The following ABI1 variants were observed in gnomAD, a reference collection of about 807,000 sequenced individuals.
ABI1 encodes abl interactor 1.
Under a neutral mutation model 54.6 loss-of-function variants are expected in ABI1, and 14 were observed. The ratio of observed to expected loss-of-function variants is 0.26; its 90% CI spans 0.17 to 0.40. The LOEUF is 0.40. Among genes scored for constraint, ABI1 ranks in the 10% least tolerant of loss-of-function variants. ABI1 has a pLI of 1.00. For missense variants in ABI1, 443 were observed against 598.3 expected (o/e 0.74, Z 2.71); for synonymous variants, 194 against 209.3 (o/e 0.93, Z 0.63).
At chr10:26,761,639 TATATATATATATATATATATATAC>T (rs1314349414) in intron 7 of ABI1, among the ~76,000 whole-genome samples, 1 of 114,950 alleles carries the variant, frequency 8.7e-6, no homozygotes, top group South Asian at 2.9e-4. Flanking sequence ...TATATATATA[TATATATATATATATATATATATAC>T]ACACACACAT....
chr10:26,782,166 G>A (rs756112650), intron 2 of ABI1, among the ~76,000 whole-genome samples: 5 of 152,092 alleles, frequency 3.3e-5, no homozygotes, highest in African/African-American at 9.7e-5. Context: ...CCACAGTACC[G>A]TGGTCCTTGA....
intron 2 of ABI1, among the ~76,000 whole-genome samples, chr10:26,822,623 T>C (rs774202558): frequency 3.3e-5 from 5 of 152,008 alleles, no homozygotes; most frequent in Non-Finnish European, 7.4e-5. Flanking sequence ...GTAAATACTA[T>C]ATGATTCCAT....
At chr10:26,792,440 G>C (rs1429866500) in intron 2 of ABI1, among the ~76,000 whole-genome samples, 2 of 152,112 alleles carry the variant, frequency 1.3e-5, no homozygotes, top group African/African-American at 4.8e-5. Context: ...TCCAAGCACA[G>C]GGGACAGCAT....
In ABI1 at chr10:26,747,093, T is replaced by C. The variant is rs1217916365; in HGVS notation, c.*1477A>G. The C allele has an allele frequency of 8.8e-6, 2 of 227,786 alleles. No homozygotes were observed. The highest frequency in any genetic ancestry group is 2.2e-5 in the African/African-American group (1 of 44,646). The allele number at this position is 227,786 out of a possible 1,614,324, so 14.1% of individuals were successfully genotyped here. On this transcript the variant is annotated 3_prime_UTR_variant, in exon 11 of 11. Coordinates refer to ENST00000376140, the MANE Select transcript of ABI1 (RefSeq NM_001012750.3). Reference sequence around the variant, plus strand: ...CACATTGATTTGGTAGCAATAATGGTCTTTAATTTTCAGAAATAACTGTTT... The same window carrying C: ...CACATTGATTTGGTAGCAATAATGGCCTTTAATTTTCAGAAATAACTGTTT...
At chr10:26,782,815 A>C (rs945552353) in intron 2 of ABI1, among the ~76,000 whole-genome samples, 1 of 152,144 alleles carries the variant, frequency 6.6e-6, no homozygotes, top group Non-Finnish European at 1.5e-5. Flanking sequence ...TCAAAACCAC[A>C]ATGTGACACA....
intron 2 of ABI1, among the ~76,000 whole-genome samples, chr10:26,816,394 G>C (rs2047566905): frequency 6.6e-6 from 1 of 151,528 alleles, no homozygotes. Context: ...TGAACAAAGT[G>C]GCTGAGAAGA....
At chr10:26,830,358 A>G (rs2048583724) in intron 1 of ABI1, among the ~76,000 whole-genome samples, 1 of 152,206 alleles carries the variant, frequency 6.6e-6, no homozygotes, top group South Asian at 2.1e-4. Context: ...ATGGGGGCTC[A>G]TGACTGTAAT....
intron 1 of ABI1, among the ~76,000 whole-genome samples, chr10:26,834,548 A>AACACACAC (rs571268846): frequency 0.013 from 1,869 of 138,568 alleles, 16 homozygotes; most frequent in Middle Eastern, 0.032. Context: ...AGACATACAA[A>AACACACAC]ACACACACAC....
At chr10:26,793,447 G>A (rs1362291068) in intron 2 of ABI1, among the ~76,000 whole-genome samples, 1 of 152,062 alleles carries the variant, frequency 6.6e-6, no homozygotes, top group Non-Finnish European at 1.5e-5. Flanking sequence ...AAGATGAGCT[G>A]CAAAATCAGA....
At chr10:26,828,717 G>C (rs568565813) in intron 1 of ABI1, among the ~76,000 whole-genome samples, 6 of 152,288 alleles carry the variant, frequency 3.9e-5, no homozygotes, top group East Asian at 3.9e-4. Flanking sequence ...AAAAGTAATT[G>C]AAAGAGGGGA....
intron 7 of ABI1, among the ~76,000 whole-genome samples, chr10:26,760,887 T>C (rs2132555452): frequency 4.0e-5 from 1 of 25,190 alleles, no homozygotes; most frequent in Non-Finnish European, 6.3e-5. Context: ...AGACTCCATC[T>C]CAAAAAAAAA....
At position 26,823,212 on chromosome 10, in the gene ABI1, T is replaced by C. The variant is rs2048098610; in HGVS notation, c.211A>G (p.Asn71Asp). The change falls in exon 2 of 11, where the codon AAT becomes GAT. Residue 71 changes from asparagine (N) to aspartate (D), a missense_variant. Physicochemically the swap from Asn to Asp is conservative, Grantham distance 23 (BLOSUM62 1). Transcript: ENST00000376140. ...TGGATATCCAGCAACTGGAGTACAT[T>C]GTTGGCCAATGCATTTATTTGATAA... is the stretch of plus-strand genomic sequence containing the variant. ...VAYQINALANNVLQLLDIQAS... is the reference protein window; with the variant it reads ...VAYQINALANDVLQLLDIQAS... The C allele has an allele frequency of 6.2e-7, 1 of 1,606,398 alleles. No homozygotes were observed. Among genetic ancestry groups the C allele is most frequent in the Non-Finnish European group, 8.5e-7 (1 of 1,177,526 alleles).
Position 26,747,142 on chromosome 10 carries a change from T to G in ABI1, c.*1428A>C, listed in dbSNP as rs753026256. 2 of 227,550 alleles carry G rather than the reference T, an allele frequency of 8.8e-6. No individual in the cohort carries two copies. The highest frequency in any genetic ancestry group is 1.7e-5 in the Non-Finnish European group (2 of 114,554). 14.1% of individuals were successfully genotyped at this position (227,550 alleles called of 1,614,324 possible). ...TTTGCACTAGTCTTACCATTCACTA[T>G]GCTGTTATAAGTCTGTAGCATCCAG... is the stretch of plus-strand genomic sequence containing the variant. On this transcript the variant is annotated 3_prime_UTR_variant, in exon 11 of 11. Transcript: ENST00000376140.
intron 2 of ABI1, among the ~76,000 whole-genome samples, chr10:26,801,962 A>T (rs2046593740): frequency 6.6e-6 from 1 of 152,258 alleles, no homozygotes; most frequent in Non-Finnish European, 1.5e-5. Context: ...ATAGGATGCC[A>T]CAAAAATAGT....
At chr10:26,801,229 T>G (rs1016544739) in intron 2 of ABI1, among the ~76,000 whole-genome samples, 59 of 152,180 alleles carry the variant, frequency 3.9e-4, no homozygotes, top group African/African-American at 1.3e-3. Context: ...GGTGATGCAG[T>G]AAAATGTATT....
intron 2 of ABI1, among the ~76,000 whole-genome samples, chr10:26,815,808 G>A (rs941077089): frequency 7.9e-5 from 12 of 152,138 alleles, no homozygotes; most frequent in Non-Finnish European, 1.8e-4. Context: ...CTACTCAGGA[G>A]GCTGAGGCGG....
At chr10:26,835,217 T>C (rs1263742756) in intron 1 of ABI1, among the ~76,000 whole-genome samples, 2 of 149,602 alleles carry the variant, frequency 1.3e-5, no homozygotes, top group African/African-American at 2.5e-5. Context: ...GGAATACCCA[T>C]ACCCTGTTGG....
chr10:26,853,130 C>CT (rs2050527195), intron 1 of ABI1, among the ~76,000 whole-genome samples: 1 of 150,294 alleles, frequency 6.7e-6, no homozygotes, highest in Non-Finnish European at 1.5e-5. Context: ...CAACTATTTC[C>CT]TTTAAAAACA....
At chr10:26,846,547 T>C (rs2049994587) in intron 1 of ABI1, among the ~76,000 whole-genome samples, 1 of 152,108 alleles carries the variant, frequency 6.6e-6, no homozygotes, top group African/African-American at 2.4e-5. Flanking sequence ...TTCACCATGT[T>C]GGCCAGACTG....
Sources: allele counts gnomAD v4.1 joint callset (sites outside exome capture counted in the v4.1 genomes callset), GRCh38; gene constraint gnomAD v4.1.1; transcripts MANE v1.5; gene names NCBI Gene and HGNC (gene_info 2026-07-23, HGNC 2026-07-21).